Variants in OTUD7B observed in about 807,000 individuals in gnomAD.
OTUD7B encodes the protein OTU domain-containing protein 7B.
OTUD7B carries 34 observed loss-of-function variants against 82.2 expected under a neutral mutation model. The ratio of observed to expected loss-of-function variants is 0.41; its 90% CI spans 0.31 to 0.55. The LOEUF (loss-of-function observed/expected upper bound fraction) is 0.55, where lower values mean the gene tolerates loss of function less well. OTUD7B is among the 20% of genes least tolerant of loss of function. The pLI is 0.20. For synonymous variants in OTUD7B, 398 were observed against 402.7 expected, an observed-to-expected ratio of 0.99 and a Z score of 0.14; for missense variants, 944 against 1,062.1, an observed-to-expected ratio of 0.89 and a Z score of 1.55.
At chr1:150,063,364 T>C in the OTUD7B span, among the ~76,000 whole-genome samples, 1 of 152,044 alleles carries the variant, frequency 6.6e-6, no homozygotes, top group Non-Finnish European at 1.5e-5. Flanking sequence ...GGCATGATAA[T>C]CACTAGAACC....
At chr1:150,038,028 T>C in the OTUD7B span, among the ~76,000 whole-genome samples, 1 of 151,910 alleles carries the variant, frequency 6.6e-6, no homozygotes, top group Non-Finnish European at 1.5e-5. Flanking sequence ...CCCTAATTTT[T>C]GTATTTTTGT....
intron 1 of OTUD7B, among the ~76,000 whole-genome samples, chr1:149,999,750 C>T (rs1186549707): frequency 6.6e-6 from 1 of 152,176 alleles, no homozygotes; most frequent in Non-Finnish European, 1.5e-5. Flanking sequence ...ATTGTATTTT[C>T]CCACTGTCGT....
chr1:150,039,383 A>G, the OTUD7B span, among the ~76,000 whole-genome samples: 1 of 3,740 alleles, frequency 2.7e-4, no homozygotes, highest in East Asian at 8.5e-3. Context: ...TTATTAAAAA[A>G]AAAATTTTTT....
At chr1:149,957,158 C>G (rs1416346780) in intron 7 of OTUD7B, among the ~76,000 whole-genome samples, 1 of 151,876 alleles carries the variant, frequency 6.6e-6, no homozygotes, top group African/African-American at 2.4e-5. Context: ...GGTTTCTCCC[C>G]ATCTTTGTGG....
chr1:149,988,264 T>C (rs1651294514), intron 1 of OTUD7B, among the ~76,000 whole-genome samples: 1 of 152,168 alleles, frequency 6.6e-6, no homozygotes, highest in Admixed American at 6.5e-5. Flanking sequence ...GTTTATCATA[T>C]GCTATTGTGG....
chr1:150,050,238 CA>C, the OTUD7B span, among the ~76,000 whole-genome samples: 1 of 151,234 alleles, frequency 6.6e-6, no homozygotes, highest in African/African-American at 2.4e-5. Context: ...CAATTTTTGC[CA>C]ATTAAAAATA....
chr1:150,002,621 G>C (rs1553785133), intron 1 of OTUD7B, among the ~76,000 whole-genome samples: 1 of 152,238 alleles, frequency 6.6e-6, no homozygotes, highest in Admixed American at 6.5e-5. Context: ...ACTTGGGAGA[G>C]AAGAGAGAGG....
chr1:150,009,340 T>C (rs935904711), intron 1 of OTUD7B, among the ~76,000 whole-genome samples: 3 of 152,180 alleles, frequency 2.0e-5, no homozygotes, highest in Admixed American at 1.3e-4. Flanking sequence ...CCGCCACCTC[T>C]TTCTCTACTC....
intron 7 of OTUD7B, among the ~76,000 whole-genome samples, chr1:149,958,000 C>A (rs587615747): frequency 6.6e-6 from 1 of 152,350 alleles, no homozygotes; most frequent in African/African-American, 2.4e-5. Context: ...AGGCAATGCC[C>A]CGCCCTGCTT....
rs781884145 is a variant in OTUD7B at position 149,953,419 on chromosome 1, G to A, written c.846-3198C>T. On this transcript the variant is annotated intron_variant, in intron 7 of 11. Coordinates refer to ENST00000581312, the MANE Select transcript of OTUD7B (RefSeq NM_020205.4). ...TCCATTGGTCTATATCTCTGTTTTG[G>A]TACCAATACCATGCTGTTTTGGTTA... Among the ~76,000 whole-genome samples, 6 of 152,176 alleles carry A rather than the reference G, an allele frequency of 3.9e-5. 2 individuals carry two copies. Among genetic ancestry groups the A allele is most frequent in the African/African-American group, 1.4e-4 (6 of 41,508 alleles).
In OTUD7B at chr1:149,951,001, T is replaced by G. The variant is rs1318990784; in HGVS notation, c.846-780A>C. Among the ~76,000 whole-genome samples the G allele has an allele frequency of 3.8e-4, 24 of 63,722 alleles. 11 individuals carry two copies. Among genetic ancestry groups the G allele is most frequent in the East Asian group, 1.0e-3 (2 of 1,914 alleles). The allele number at this position is 63,722 out of a possible 152,430, so 41.8% of individuals were successfully genotyped here. A position where few individuals can be genotyped will look rare whatever the true frequency, so the allele number is the denominator to read the frequency against. On this transcript the variant is annotated intron_variant, in intron 7 of 11. Transcript: ENST00000581312. The stretch of plus-strand genomic sequence containing the variant: ...TATTTTTTTTTTTTTTTTTTTTTTG[T>G]AGATGGAGTCTCACTCTTTCGCCCA...
chr1:150,060,613 T>G, the OTUD7B span, among the ~76,000 whole-genome samples: 6 of 152,168 alleles, frequency 3.9e-5, no homozygotes, highest in African/African-American at 1.4e-4. Flanking sequence ...CAATAGGTAT[T>G]TACTGAAGGA....
At chr1:150,006,242 G>A (rs1553786054) in intron 1 of OTUD7B, among the ~76,000 whole-genome samples, 4 of 152,154 alleles carry the variant, frequency 2.6e-5, no homozygotes, top group Admixed American at 2.6e-4. Flanking sequence ...CGGATCACGA[G>A]GTCAGGAGAT....
chr1:150,014,025 C>T (rs1286299499), upstream of OTUD7B, among the ~76,000 whole-genome samples: 7 of 109,382 alleles, frequency 6.4e-5, no homozygotes, highest in East Asian at 2.8e-4. Context: ...CACATATATA[C>T]GTATATATAC....
chr1:149,973,597 T>C (rs782708069), intron 2 of OTUD7B, among the ~76,000 whole-genome samples: 5 of 151,438 alleles, frequency 3.3e-5, no homozygotes, highest in Non-Finnish European at 5.9e-5. Flanking sequence ...GCAATTCTCC[T>C]GCCTCAGCCT....
At chr1:150,030,814 G>C in the OTUD7B span, among the ~76,000 whole-genome samples, 225 of 152,302 alleles carry the variant, frequency 1.5e-3, no homozygotes, top group Non-Finnish European at 2.6e-3. Context: ...GTTTACCTAT[G>C]TGTTCTGTTT....
intron 5 of OTUD7B, among the ~76,000 whole-genome samples, chr1:149,964,737 G>A (rs782767175): frequency 4.6e-5 from 7 of 151,406 alleles, no homozygotes; most frequent in Non-Finnish European, 7.4e-5. Context: ...AGGATTACAG[G>A]TGTCCACCAC....
intron 3 of OTUD7B, 131 bp downstream of exon 3, chr1:149,970,932 C>G (rs1571655564): frequency 3.9e-6 from 3 of 764,622 alleles, no homozygotes; most frequent in Middle Eastern, 4.2e-4. Context: ...GAGGCCACCT[C>G]AGTCTGGGTT....
At chr1:149,962,765 T>C (rs1464241741) in intron 6 of OTUD7B, 4 of 152,238 alleles carry the variant, frequency 2.6e-5, no homozygotes, top group East Asian at 1.9e-4. Context: ...TTTTCTTGCC[T>C]CTGCAGTGGT....
Sources: allele counts gnomAD v4.1 joint callset (sites outside exome capture counted in the v4.1 genomes callset), GRCh38; gene constraint gnomAD v4.1.1; transcripts MANE v1.5; gene names NCBI Gene and HGNC (gene_info 2026-07-23, HGNC 2026-07-21).